The following DNMT3A variants were observed in gnomAD, a reference collection of about 807,000 sequenced individuals.
DNMT3A encodes the protein DNA methyltransferase 3 alpha, also known as DNA (cytosine-5)-methyltransferase 3A.
In DNMT3A, 267 loss-of-function variants were observed where a neutral mutation model predicts 117.6. That is an observed-to-expected ratio of 2.27 (90% CI 2.05 to 2.51). The LOEUF (loss-of-function observed/expected upper bound fraction) is 2.51. DNMT3A is among the 30% of genes most tolerant of loss of function. The pLI, the probability that DNMT3A is intolerant of heterozygous loss-of-function variation, is 0.00. For synonymous variants in DNMT3A, 432 were observed against 474.8 expected (o/e 0.91, Z 1.17); for missense variants, 1,029 against 1,260.2 (o/e 0.82, Z 2.78).
chr2:25,291,138 G>C lies in DNMT3A; in HGVS notation c.178-8427C>G, dbSNP rs917542438. On this transcript the variant is annotated intron_variant, in intron 3 of 22. Coordinates refer to ENST00000321117, the MANE Select transcript of DNMT3A (RefSeq NM_022552.5). Reference sequence around the variant, plus strand: ...GATGCCAACACAAACACGCCAGTGAGCCCCTCCACTCCCACCGCAACTCCT... The same window carrying C: ...GATGCCAACACAAACACGCCAGTGACCCCCTCCACTCCCACCGCAACTCCT... 7.2e-5 allele frequency among the ~76,000 whole-genome samples: 11 copies of C among 152,294 alleles called. No individual in the cohort carries two copies. In the East Asian group the frequency reaches 2.1e-3, roughly 29 times the overall value.
chr2:25,320,678 C>T (rs866327402), intron 1 of DNMT3A, among the ~76,000 whole-genome samples: 2 of 151,994 alleles, frequency 1.3e-5, no homozygotes, highest in East Asian at 1.9e-4. Context: ...TATTACAGTG[C>T]ACCACAAGGC....
intron 1 of DNMT3A, among the ~76,000 whole-genome samples, chr2:25,319,140 A>G (rs1270785586): frequency 4.0e-5 from 6 of 148,394 alleles, no homozygotes; most frequent in African/African-American, 7.5e-5. Flanking sequence ...TCAGCCTCCC[A>G]AGTAGCTGGT....
intron 6 of DNMT3A, among the ~76,000 whole-genome samples, chr2:25,251,128 G>T (rs1350424427): frequency 6.7e-6 from 1 of 148,400 alleles, no homozygotes; most frequent in Admixed American, 6.7e-5. Flanking sequence ...CAGGACTGGG[G>T]CAGTGGGGTG....
intron 1 of DNMT3A, among the ~76,000 whole-genome samples, chr2:25,315,429 A>T (rs1484979117): frequency 6.6e-6 from 1 of 152,112 alleles, no homozygotes; most frequent in African/African-American, 2.4e-5. Flanking sequence ...CTTGAAGCGG[A>T]CCTGCCCCAC....
rs2035319235 is a variant in DNMT3A at position 25,339,171 on chromosome 2, T to G, written c.-178+2655A>C. ...ATGTGCCGAAAAACAGACCACCCTG[T>G]CCCCATTGCTAGGCCTGAAATTCCA... On this transcript the variant is annotated intron_variant, in intron 1 of 22. Coordinates refer to ENST00000321117, the MANE Select transcript of DNMT3A (RefSeq NM_022552.5). This position sits in a 1 kb window ranked among gnomAD's most constrained non-coding sequence, Gnocchi z 4.9. Among the ~76,000 whole-genome samples the G allele has an allele frequency of 6.6e-6, 1 of 152,046 alleles. No individual in the cohort carries two copies. Among genetic ancestry groups the G allele is most frequent in the East Asian group, 1.9e-4 (1 of 5,172 alleles).
In DNMT3A at chr2:25,241,617, C is replaced by CGCA; in HGVS notation, c.2024_2026dup (p.Val675_Arg676insLeu). ...GACGTACATGATCTTCCCCTGGTGC[C>CGCA]GCACCATGCCCACCGTGATGGAGTC... On this transcript the variant is annotated inframe_insertion, in exon 17 of 23. Coordinates refer to ENST00000321117, the MANE Select transcript of DNMT3A (RefSeq NM_022552.5). 1 of 1,613,888 alleles carries CGCA rather than the reference C, an allele frequency of 6.2e-7. No homozygotes were observed. The highest frequency in any genetic ancestry group is 8.5e-7 in the Non-Finnish European group (1 of 1,179,920).
chr2:25,294,792 C>T lies in DNMT3A; in HGVS notation c.177+5347G>A, dbSNP rs191041101. Among the ~76,000 whole-genome samples, 1 of 152,310 alleles carries T rather than the reference C, an allele frequency of 6.6e-6. No homozygotes were observed. Among genetic ancestry groups the T allele is most frequent in the East Asian group, 1.9e-4 (1 of 5,180 alleles). On this transcript the variant is annotated intron_variant, in intron 3 of 22. Coordinates refer to ENST00000321117, the MANE Select transcript of DNMT3A (RefSeq NM_022552.5). This position sits in a 1 kb window ranked among gnomAD's most constrained non-coding sequence, Gnocchi z 4.7. ...CTGCTCTGAAGTGGGGCAGTTTGCC[C>T]TCTTGGACTGGCTCACTCCTGCGGT... is the stretch of plus-strand genomic sequence containing the variant.
In DNMT3A at chr2:25,234,109, G is replaced by A; in HGVS notation, c.*170C>T. ...GATGATGTCCAACCCTTTTCGCAAG[G>A]CAAAGCCCTCCGGTATTTCCGCCTC... On this transcript the variant is annotated 3_prime_UTR_variant, in exon 23 of 23. Transcript: ENST00000321117. This position sits in a 1 kb window ranked among gnomAD's most constrained non-coding sequence, Gnocchi z 4.5. 9.2e-7 allele frequency: 1 copy of A among 1,081,442 alleles called. No individual in the cohort carries two copies. The highest frequency in any genetic ancestry group is 1.3e-6 in the Non-Finnish European group (1 of 797,880). 67.0% of individuals were successfully genotyped at this position (1,081,442 alleles called of 1,614,324 possible).
Position 25,228,240 on chromosome 2 carries a change from A to AAAAAAAAAAAAAAAAAAAAAAAAAAC in DNMT3A, c.*6038_*6039insGTTTTTTTTTTTTTTTTTTTTTTTTT, listed in dbSNP as rs1672749811. On this transcript the variant is annotated 3_prime_UTR_variant, in exon 23 of 23. Transcript: ENST00000321117. ...AAAAAAAAAAAAAAAAAAAAAAAAA[A>AAAAAAAAAAAAAAAAAAAAAAAAAAC]AAAAAAAAAAAATACAGTGGTGAAA... The AAAAAAAAAAAAAAAAAAAAAAAAAAC allele has an allele frequency of 7.3e-6, 1 of 136,596 alleles. No individual in the cohort carries two copies. Among genetic ancestry groups the AAAAAAAAAAAAAAAAAAAAAAAAAAC allele is most frequent in the African/African-American group, 2.7e-5 (1 of 36,638 alleles). The allele number at this position is 136,596 out of a possible 1,614,324, so 8.5% of individuals were successfully genotyped here. A position where few individuals can be genotyped will look rare whatever the true frequency, so the allele number is the denominator to read the frequency against.
Position 25,234,108 on chromosome 2 carries a change from G to T in DNMT3A, c.*171C>A. ...AGATGATGTCCAACCCTTTTCGCAA[G>T]GCAAAGCCCTCCGGTATTTCCGCCT... On this transcript the variant is annotated 3_prime_UTR_variant, in exon 23 of 23. Coordinates refer to ENST00000321117, the MANE Select transcript of DNMT3A (RefSeq NM_022552.5). The surrounding 1 kb of genome is among the most constrained non-coding windows in gnomAD (Gnocchi z 4.5). The T allele has an allele frequency of 9.3e-7, 1 of 1,075,848 alleles. No homozygotes were observed. The highest frequency in any genetic ancestry group is 1.3e-6 in the Non-Finnish European group (1 of 793,312). 66.6% of individuals were successfully genotyped at this position (1,075,848 alleles called of 1,614,324 possible). A position where few individuals can be genotyped will look rare whatever the true frequency, so the allele number is the denominator to read the frequency against.
intron 1 of DNMT3A, among the ~76,000 whole-genome samples, chr2:25,315,015 C>T (rs2034311084): frequency 6.6e-6 from 1 of 152,224 alleles, no homozygotes; most frequent in South Asian, 2.1e-4. Flanking sequence ...AAGAGCTCCC[C>T]TGCTCCCCAC....
intron 2 of DNMT3A, among the ~76,000 whole-genome samples, chr2:25,310,035 A>G (rs1276935790): frequency 3.3e-5 from 5 of 152,148 alleles, no homozygotes; most frequent in African/African-American, 1.2e-4. Context: ...CAGCCTGGGC[A>G]ACAGAGCAAG....
Position 25,286,547 on chromosome 2 carries a change from G to T in DNMT3A, c.178-3836C>A, listed in dbSNP as rs1355866434. 1.3e-5 allele frequency among the ~76,000 whole-genome samples: 2 copies of T among 152,170 alleles called. No homozygotes were observed. The highest frequency in any genetic ancestry group is 1.9e-4 in the East Asian group (1 of 5,182). On this transcript the variant is annotated intron_variant, in intron 3 of 22. Coordinates refer to ENST00000321117, the MANE Select transcript of DNMT3A (RefSeq NM_022552.5). This position sits in a 1 kb window ranked among gnomAD's most constrained non-coding sequence, Gnocchi z 4.3. ...TGATTCAGCCAAAGTTCTGGGATTT[G>T]GGGGGGAGGGCAATGACTTCTGCCA...
rs931551034 is a variant in DNMT3A at position 25,296,616 on chromosome 2, C to T, written c.177+3523G>A. ...GGCATCTTCCTCTGGTGGCTTCCCG[C>T]ACATGGTCAGTGCTCAGGAAGTGGA... is the stretch of plus-strand genomic sequence containing the variant. On this transcript the variant is annotated intron_variant, in intron 3 of 22. Coordinates refer to ENST00000321117, the MANE Select transcript of DNMT3A (RefSeq NM_022552.5). This position sits in a 1 kb window ranked among gnomAD's most constrained non-coding sequence, Gnocchi z 4.2. Among the ~76,000 whole-genome samples, 1 of 152,242 alleles carries T rather than the reference C, an allele frequency of 6.6e-6. No homozygotes were observed. Among genetic ancestry groups the T allele is most frequent in the Non-Finnish European group, 1.5e-5 (1 of 68,048 alleles).
Position 25,246,744 on chromosome 2 carries a change from C to T in DNMT3A, c.1155G>A (p.Pro385=), listed in dbSNP as rs368009374. 206 of 1,613,710 alleles carry T rather than the reference C, an allele frequency of 1.3e-4. 4 individuals carry two copies. The highest frequency in any genetic ancestry group is 1.2e-3 in the East Asian group (54 of 44,892). ...CACTCTCATCGCTGTCGTGGCACAC[C>T]GGGAACAGCTTCCCCGCGCGGCTGC... ...VASSRAGKLF[P]VCHDSDESDT... The change falls in exon 10 of 23, where the codon CCG becomes CCA. Residue 385 remains proline, a synonymous_variant. Transcript: ENST00000321117.
chr2:25,336,881 A>G (rs2035236850), intron 1 of DNMT3A, among the ~76,000 whole-genome samples: 1 of 152,192 alleles, frequency 6.6e-6, no homozygotes, highest in Non-Finnish European at 1.5e-5. Flanking sequence ...ACCTCCTTCA[A>G]GAAGCCTTCC....
rs1280361160 is a variant in DNMT3A at position 25,257,096 on chromosome 2, G to A, written c.640-8844C>T. 6.6e-6 allele frequency among the ~76,000 whole-genome samples: 1 copy of A among 152,188 alleles called. No homozygotes were observed. Among genetic ancestry groups the A allele is most frequent in the Non-Finnish European group, 1.5e-5 (1 of 68,038 alleles). ...GGAATCTTTGTTTTCCTATTCCCTT[G>A]CAATCCATATGGAGGTTGCAAGCAA... On this transcript the variant is annotated intron_variant, in intron 6 of 22. Coordinates refer to ENST00000321117, the MANE Select transcript of DNMT3A (RefSeq NM_022552.5). This position sits in a 1 kb window ranked among gnomAD's most constrained non-coding sequence, Gnocchi z 4.8.
rs1268761850 is a variant in DNMT3A, at chr2:25,247,583, C to A, written c.1014+8G>T. On this transcript the variant is annotated splice_region_variant and intron_variant, in intron 8 of 22. Transcript: ENST00000321117. The surrounding 1 kb of genome is among the most constrained non-coding windows in gnomAD (Gnocchi z 5.6). ...CACCCCAGGCTACTGCCAAACCCCA[C>A]AACTTACCACTGAGAATTTGCCGTC... 1 of 1,613,686 alleles carries A rather than the reference C, an allele frequency of 6.2e-7. No homozygotes were observed. Among genetic ancestry groups the A allele is most frequent in the South Asian group, 1.1e-5 (1 of 91,048 alleles).
At chr2:25,303,434 T>C (rs998457587) in intron 2 of DNMT3A, among the ~76,000 whole-genome samples, 2 of 152,186 alleles carry the variant, frequency 1.3e-5, no homozygotes, top group South Asian at 2.1e-4. Flanking sequence ...CACATTTTTT[T>C]CCCTGTTGGA....
Sources: allele counts gnomAD v4.1 joint callset (sites outside exome capture counted in the v4.1 genomes callset), GRCh38; gene constraint gnomAD v4.1.1; non-coding constraint Gnocchi (gnomAD v3.1); transcripts MANE v1.5; gene names NCBI Gene and HGNC (gene_info 2026-07-23, HGNC 2026-07-21).